EPHB2: variants seen among roughly 807,000 people sequenced by gnomAD.
EPHB2 encodes the protein EPH receptor B2.
EPHB2 carries 18 observed loss-of-function variants against 96.4 expected under a neutral mutation model. The ratio of observed to expected loss-of-function variants is 0.19; its 90% CI spans 0.13 to 0.28. EPHB2 has a LOEUF of 0.28. Ranked by LOEUF, EPHB2 falls within the 10% of genes least tolerant of loss-of-function variation. The pLI is 1.00. For synonymous variants in EPHB2, 506 were observed against 534.1 expected (o/e 0.95, Z 0.72); for missense variants, 989 against 1,355.4 (o/e 0.73, Z 4.25).
chr1:22,740,058 C>T (rs946147928), intron 1 of EPHB2, among the ~76,000 whole-genome samples: 22 of 152,188 alleles, frequency 1.4e-4, no homozygotes, highest in African/African-American at 9.7e-5. Context: ...CCAAATAAAC[C>T]GGTTTTGAAG....
intron 1 of EPHB2, among the ~76,000 whole-genome samples, chr1:22,711,822 C>T (rs1426608932): frequency 6.6e-6 from 1 of 151,632 alleles, no homozygotes; most frequent in Non-Finnish European, 1.5e-5. Context: ...TGGCCTTGGC[C>T]AGGGTCGCGG....
At chr1:22,882,156 G>A (rs1281099827) in intron 5 of EPHB2, among the ~76,000 whole-genome samples, 2 of 152,156 alleles carry the variant, frequency 1.3e-5, no homozygotes, top group Non-Finnish European at 2.9e-5. Context: ...GGTGCCCCAT[G>A]AGAGCTCAGC....
intron 1 of EPHB2, among the ~76,000 whole-genome samples, chr1:22,741,978 C>T (rs1228958531): frequency 6.6e-6 from 1 of 151,882 alleles, no homozygotes; most frequent in East Asian, 1.9e-4. Flanking sequence ...TACCCCACAC[C>T]TCTTCTGCAC....
intron 3 of EPHB2, among the ~76,000 whole-genome samples, chr1:22,836,394 G>A (rs901497320): frequency 3.3e-5 from 5 of 152,270 alleles, no homozygotes; most frequent in Non-Finnish European, 7.3e-5. Context: ...ACTGGAGGAA[G>A]ACAGCTATTG....
At chr1:22,908,295 A>G in intron 12 of EPHB2, 127 bp downstream of exon 12, 1 of 1,132,162 alleles carries the variant, frequency 8.8e-7, no homozygotes, top group Non-Finnish European at 1.3e-6. Context: ...CCCTGGAGAC[A>G]GGAAGACAGG....
At chr1:22,741,825 G>A (rs1557647271) in intron 1 of EPHB2, among the ~76,000 whole-genome samples, 1 of 152,048 alleles carries the variant, frequency 6.6e-6, no homozygotes, top group Non-Finnish European at 1.5e-5. Context: ...TGCCTGTCTC[G>A]GGGATGGGCT....
intron 9 of EPHB2, among the ~76,000 whole-genome samples, chr1:22,902,820 T>C (rs1043989414): frequency 2.0e-5 from 3 of 152,038 alleles, no homozygotes; most frequent in African/African-American, 7.2e-5. Context: ...ATCAAGATCA[T>C]AAGAGTGGGT....
chr1:22,886,837 G>A (rs1191394121), intron 6 of EPHB2, among the ~76,000 whole-genome samples: 1 of 151,914 alleles, frequency 6.6e-6, no homozygotes, highest in Non-Finnish European at 1.5e-5. Flanking sequence ...TGTTGATCAG[G>A]CTGGTCTCAA....
intron 1 of EPHB2, among the ~76,000 whole-genome samples, chr1:22,734,639 C>G (rs774439484): frequency 8.5e-5 from 13 of 152,102 alleles, no homozygotes; most frequent in Admixed American, 6.6e-4. Context: ...CCAGGCTGGT[C>G]TCTAACTCCT....
In EPHB2 at chr1:22,919,632, T is replaced by C. The variant is rs1199536444; in HGVS notation, c.*6062T>C. 6.6e-6 allele frequency: 1 copy of C among 152,208 alleles called. No homozygotes were observed. The highest frequency in any genetic ancestry group is 1.5e-5 in the Non-Finnish European group (1 of 68,144). 9.4% of individuals were successfully genotyped at this position (152,208 alleles called of 1,614,324 possible). The stretch of plus-strand genomic sequence containing the variant: ...ACCCAGACCAAGACACGGCTTTTCC[T>C]GGAGGAGAGAGAGAGCAAAGGCCCT... On this transcript the variant is annotated 3_prime_UTR_variant, in exon 16 of 16. Transcript: ENST00000374630.
At chr1:22,773,399 A>G (rs1570250682) in intron 1 of EPHB2, among the ~76,000 whole-genome samples, 1 of 151,852 alleles carries the variant, frequency 6.6e-6, no homozygotes, top group African/African-American at 2.4e-5. Context: ...CCTCAGCCCC[A>G]CCAGCCCCAG....
intron 3 of EPHB2, among the ~76,000 whole-genome samples, chr1:22,851,608 T>G (rs4655132): frequency 6.6e-6 from 1 of 152,218 alleles, no homozygotes; most frequent in Non-Finnish European, 1.5e-5. Flanking sequence ...TGTCTGGGTC[T>G]TGTATTTTGT....
At chr1:22,776,274 C>G (rs546269932) in intron 1 of EPHB2, among the ~76,000 whole-genome samples, 2 of 152,326 alleles carry the variant, frequency 1.3e-5, no homozygotes, top group African/African-American at 2.4e-5. Flanking sequence ...ATCAGTCACT[C>G]CCCACTCACC....
intron 1 of EPHB2, among the ~76,000 whole-genome samples, chr1:22,738,920 G>A (rs1218479267): frequency 6.6e-6 from 1 of 152,212 alleles, no homozygotes; most frequent in African/African-American, 2.4e-5. Flanking sequence ...TAGTCTAGCA[G>A]GTTGGGGAGG....
intron 1 of EPHB2, among the ~76,000 whole-genome samples, chr1:22,750,206 GAA>G (rs1181938158): frequency 6.6e-6 from 1 of 152,172 alleles, no homozygotes; most frequent in African/African-American, 2.4e-5. Context: ...ACCTCTCTAT[GAA>G]AAGAAAGGCA....
chr1:22,741,165 AT>A (rs1643897033), intron 1 of EPHB2, among the ~76,000 whole-genome samples: 1 of 151,210 alleles, frequency 6.6e-6, no homozygotes, highest in Non-Finnish European at 1.5e-5. Flanking sequence ...TAAGTGCTTA[AT>A]CTCTCCCCCC....
intron 1 of EPHB2, among the ~76,000 whole-genome samples, chr1:22,775,674 G>T (rs2148411824): frequency 6.6e-6 from 1 of 152,340 alleles, no homozygotes; most frequent in East Asian, 1.9e-4. Context: ...GGCCTCCCCA[G>T]CCCGGCAGTC....
intron 6 of EPHB2, among the ~76,000 whole-genome samples, chr1:22,888,794 AGG>A (rs1262583355): frequency 1.7e-5 from 1 of 57,458 alleles, no homozygotes; most frequent in Non-Finnish European, 6.0e-5. Flanking sequence ...AATAGAAAAC[AGG>A]GGCTCAGGGA....
chr1:22,781,048 C>T (rs80342088), intron 1 of EPHB2, among the ~76,000 whole-genome samples: 1 of 151,444 alleles, frequency 6.6e-6, no homozygotes, highest in African/African-American at 2.4e-5. Context: ...TGGCCGGGCA[C>T]GGTGGCTCAC....
Sources: gnomAD v4.1 joint callset for allele counts (sites outside exome capture counted in the v4.1 genomes callset) on GRCh38, gnomAD v4.1.1 for gene constraint, MANE v1.5 for transcripts, NCBI Gene and HGNC (gene_info 2026-07-23, HGNC 2026-07-21) for gene names.